Variants in TTC17 observed in about 807,000 individuals in gnomAD.
TTC17 encodes tetratricopeptide repeat protein 17.
Under a neutral mutation model 143.8 loss-of-function variants are expected in TTC17, and 58 were observed. The observed-to-expected ratio is 0.40, with a 90% CI of 0.33 to 0.50. TTC17 has a LOEUF of 0.50. Ranked by LOEUF, TTC17 falls within the 20% of genes least tolerant of loss-of-function variation. The pLI, the probability that TTC17 is intolerant of heterozygous loss-of-function variation, is 0.49. For missense variants in TTC17, 1,273 were observed against 1,392.5 expected (o/e 0.91, Z 1.37); for synonymous variants, 501 against 497.8 (o/e 1.01, Z -0.09).
intron 16 of TTC17, among the ~76,000 whole-genome samples, chr11:43,427,813 C>A (rs1051870039): frequency 6.6e-6 from 1 of 152,108 alleles, no homozygotes; most frequent in Non-Finnish European, 1.5e-5. Flanking sequence ...CATCTGCATA[C>A]CCCAGCTCAC....
intron 21 of TTC17, among the ~76,000 whole-genome samples, chr11:43,484,385 C>T (rs1948343492): frequency 6.6e-6 from 1 of 152,062 alleles, no homozygotes. Flanking sequence ...ATAAAGTTCT[C>T]AATAAATCTT....
At chr11:43,452,679 G>A (rs886523129) in intron 21 of TTC17, among the ~76,000 whole-genome samples, 3 of 152,132 alleles carry the variant, frequency 2.0e-5, no homozygotes, top group Non-Finnish European at 4.4e-5. Flanking sequence ...GCTCATGCCT[G>A]TAATCCCAGC....
At chr11:43,418,701 T>A (rs1016934717) in intron 16 of TTC17, among the ~76,000 whole-genome samples, 2 of 152,146 alleles carry the variant, frequency 1.3e-5, no homozygotes, top group African/African-American at 4.8e-5. Context: ...AATGAAACTT[T>A]ATGGAACAGT....
In TTC17 at chr11:43,397,460, C is replaced by T; in HGVS notation, c.887C>T (p.Thr296Ile). The change falls in exon 7 of 24, where the codon ACC becomes ATC. Residue 296 changes from threonine to isoleucine, a missense_variant. Physicochemically the swap from Thr to Ile is moderately conservative, Grantham distance 89 (BLOSUM62 -1). Around this residue, in one of 3 missense-constraint regions of TTC17, gnomAD observed 325 missense variants for 444.2 expected, o/e 0.73. Coordinates refer to ENST00000039989, the MANE Select transcript of TTC17 (RefSeq NM_018259.6). ...GCTCTGGATGACAGTGACTTCTTCACCAGCTATTACACTTTGGGGAATATA... is the reference window on the plus strand; with the variant it reads ...GCTCTGGATGACAGTGACTTCTTCATCAGCTATTACACTTTGGGGAATATA... ...HAALDDSDFF[T>I]SYYTLGNIYA... 6.2e-7 allele frequency: 1 copy of T among 1,613,050 alleles called. No homozygotes were observed. The highest frequency in any genetic ancestry group is 8.5e-7 in the Non-Finnish European group (1 of 1,179,900).
At chr11:43,432,236 G>GA (rs397823356) in intron 16 of TTC17, among the ~76,000 whole-genome samples, 46 of 402 alleles carry the variant, frequency 0.11, 1 homozygote, top group South Asian at 0.48. Flanking sequence ...ACTTTGACAA[G>GA]TATATTAAAT....
rs141124738 is a variant in TTC17 at position 43,433,692 on chromosome 11, G to T, written c.2252-9633G>T. On this transcript the variant is annotated intron_variant, in intron 16 of 23. Transcript: ENST00000039989. ...GAGACCAATTAAATTTTTACTGTGGGCAGAGGGTGGGAGAGAAACAGAAGA... is the reference window on the plus strand; with the variant it reads ...GAGACCAATTAAATTTTTACTGTGGTCAGAGGGTGGGAGAGAAACAGAAGA... Among the ~76,000 whole-genome samples, 911 of 152,266 alleles carry T rather than the reference G, an allele frequency of 6.0e-3. 8 individuals carry two copies. The highest frequency in any genetic ancestry group is 0.02 in the African/African-American group (835 of 41,554).
intron 1 of TTC17, among the ~76,000 whole-genome samples, chr11:43,369,095 G>A (rs570816500): frequency 7.2e-5 from 11 of 152,250 alleles, no homozygotes; most frequent in Admixed American, 2.0e-4. Context: ...ATTGTGTCTT[G>A]ATCCAGCTTT....
At chr11:43,412,959 A>G (rs891901359) in intron 15 of TTC17, among the ~76,000 whole-genome samples, 8 of 150,056 alleles carry the variant, frequency 5.3e-5, no homozygotes, top group African/African-American at 2.0e-4. Flanking sequence ...TCTAATATCT[A>G]CATAGAACTG....
intron 5 of TTC17, among the ~76,000 whole-genome samples, chr11:43,394,997 A>G (rs1411452762): frequency 6.7e-6 from 1 of 150,360 alleles, no homozygotes; most frequent in Non-Finnish European, 1.5e-5. Context: ...TTTTATGAGA[A>G]CTACACAAAG....
chr11:43,424,389 C>T (rs748497396), intron 16 of TTC17, among the ~76,000 whole-genome samples: 35 of 151,820 alleles, frequency 2.3e-4, no homozygotes, highest in Admixed American at 5.9e-4. Context: ...CCACTGTGCC[C>T]GGCCAAGAAT....
At chr11:43,466,457 T>C (rs1326178101) in intron 21 of TTC17, 1 of 174,746 alleles carries the variant, frequency 5.7e-6, no homozygotes, top group African/African-American at 2.4e-5. Flanking sequence ...ACATCTCCTT[T>C]CAGCTATTTG....
intron 1 of TTC17, among the ~76,000 whole-genome samples, chr11:43,377,260 T>A (rs1033733057): frequency 6.6e-6 from 1 of 151,988 alleles, no homozygotes; most frequent in African/African-American, 2.4e-5. Flanking sequence ...ACCACTGCAC[T>A]CCAGCCCAGG....
intron 2 of TTC17, among the ~76,000 whole-genome samples, chr11:43,383,230 G>T (rs960182522): frequency 1.3e-5 from 2 of 152,054 alleles, no homozygotes; most frequent in Non-Finnish European, 2.9e-5. Flanking sequence ...ACAAGGGAGT[G>T]GGGGAGAGAG....
intron 6 of TTC17, 166 bp downstream of exon 6, chr11:43,396,984 C>T: frequency 2.1e-6 from 1 of 474,532 alleles, no homozygotes; most frequent in Non-Finnish European, 3.7e-6. Flanking sequence ...TCACAGATCT[C>T]AAAAAGTTCA....
intron 21 of TTC17, among the ~76,000 whole-genome samples, chr11:43,456,620 A>C (rs563100506): frequency 6.6e-6 from 1 of 152,234 alleles, no homozygotes; most frequent in Non-Finnish European, 1.5e-5. Flanking sequence ...CTAAATTGCT[A>C]GTGACAGAAG....
chr11:43,392,292 A>G (rs182492729), intron 5 of TTC17, among the ~76,000 whole-genome samples: 4 of 152,352 alleles, frequency 2.6e-5, no homozygotes, highest in African/African-American at 9.6e-5. Flanking sequence ...TATACACAAT[A>G]CATGTATTAT....
chr11:43,457,183 A>G (rs1947780228), intron 21 of TTC17, among the ~76,000 whole-genome samples: 1 of 152,096 alleles, frequency 6.6e-6, no homozygotes, highest in African/African-American at 2.4e-5. Flanking sequence ...ATCTAGCATT[A>G]GGTCTAGATT....
chr11:43,494,580 A>G lies in TTC17; in HGVS notation c.*676A>G, dbSNP rs1948527220. 1.3e-5 allele frequency: 2 copies of G among 152,238 alleles called. No homozygotes were observed. Among genetic ancestry groups the G allele is most frequent in the South Asian group, 4.1e-4 (2 of 4,838 alleles). 9.4% of individuals were successfully genotyped at this position (152,238 alleles called of 1,614,324 possible). ...TGAGAAGGGGAAATCAGCAGTGTGC[A>G]ACATCTTTATAATTTGTACTTTAAT... is the stretch of plus-strand genomic sequence containing the variant. On this transcript the variant is annotated 3_prime_UTR_variant, in exon 24 of 24. Transcript: ENST00000039989.
intron 21 of TTC17, among the ~76,000 whole-genome samples, chr11:43,488,851 C>T (rs754629406): frequency 2.4e-4 from 37 of 152,114 alleles, no homozygotes; most frequent in Non-Finnish European, 5.1e-4. Flanking sequence ...CAGGTGCACA[C>T]CATCATGCCC....
Sources: gnomAD v4.1 joint callset for allele counts (sites outside exome capture counted in the v4.1 genomes callset) on GRCh38, gnomAD v4.1.1 for gene constraint, gnomAD v4.1.1 regional missense constraint, MANE v1.5 for transcripts, NCBI Gene and HGNC (gene_info 2026-07-23, HGNC 2026-07-21) for gene names.